Variants in EP300 observed in about 807,000 individuals in gnomAD.
The protein encoded by EP300 is histone acetyltransferase p300.
Under a neutral mutation model 264.0 loss-of-function variants are expected in EP300, and 31 were observed. The ratio of observed to expected loss-of-function variants is 0.12; its 90% confidence interval spans 0.09 to 0.16. The LOEUF (loss-of-function observed/expected upper bound fraction) is 0.16, where lower values mean the gene tolerates loss of function less well. Among genes scored for constraint, EP300 ranks in the 10% least tolerant of loss-of-function variants. The probability of loss-of-function intolerance (pLI) is 1.00; values close to 1 mark genes in which losing one functional copy is unlikely to be tolerated. For missense variants in EP300, 2,766 were observed against 3,052.9 expected, an observed-to-expected ratio of 0.91 and a Z score of 2.21; for synonymous variants, 1,340 against 1,045.4, an observed-to-expected ratio of 1.28 and a Z score of -5.44.
In EP300 at chr22:41,170,430, A is replaced by C. The variant is rs150941761; in HGVS notation, c.4311A>C (p.Ala1437=). The change falls in exon 27 of 31, where the codon GCA becomes GCC. Residue 1437 remains alanine, a synonymous_variant. Coordinates refer to ENST00000263253, the MANE Select transcript of EP300 (RefSeq NM_001429.4). ...GTTACACAACAGGGCATATTTGGGC[A>C]TGTCCACCAAGTGAGGGAGATGATT... The part of the protein sequence containing the change: ...KLGYTTGHIW[A]CPPSEGDDYI... The C allele has an allele frequency of 1.7e-3, 2,797 of 1,613,844 alleles. 17 individuals are homozygous for C. The East Asian group carries it at 0.021, about 12-fold the overall frequency.
chr22:41,170,602 C>T (rs1185547512), intron 27 of EP300, 31 bp downstream of exon 27: 13 of 1,507,822 alleles, frequency 8.6e-6, no homozygotes, highest in Non-Finnish European at 1.2e-5. Context: ...CAGGTGCTGA[C>T]AATAGATCTG....
intron 6 of EP300, among the ~76,000 whole-genome samples, chr22:41,135,261 T>C (rs1318762611): frequency 6.6e-6 from 1 of 152,202 alleles, no homozygotes; most frequent in Non-Finnish European, 1.5e-5. Flanking sequence ...TTTAGTAGGT[T>C]GTTGTCTTCC....
At position 41,158,512 on chromosome 22, in the gene EP300, C is replaced by G. The variant is rs2145749849; in HGVS notation, c.3590+12C>G. The G allele has an allele frequency of 6.2e-7, 1 of 1,611,602 alleles. No individual in the cohort carries two copies. The highest frequency in any genetic ancestry group is 2.2e-5 in the East Asian group (1 of 44,860). The stretch of plus-strand genomic sequence containing the variant: ...AGTTACCAGAACAGGTAAGCTTGGC[C>G]AGGTGTGGACCATGGTCCATGTGTC... On this transcript the variant is annotated intron_variant, in intron 19 of 30. Transcript: ENST00000263253.
At chr22:41,167,584 G>GTGTA (rs869093144) in intron 23 of EP300, among the ~76,000 whole-genome samples, 33 of 34,416 alleles carry the variant, frequency 9.6e-4, no homozygotes, top group South Asian at 2.4e-3. Flanking sequence ...GTGTGTGTGT[G>GTGTA]TATATATATA....
chr22:41,177,232 G>T lies in EP300; in HGVS notation c.5521G>T (p.Val1841Phe). 6.2e-7 allele frequency: 1 copy of T among 1,614,082 alleles called. No individual in the cohort carries two copies. The highest frequency in any genetic ancestry group is 8.5e-7 in the Non-Finnish European group (1 of 1,180,014). The change falls in exon 31 of 31, where the codon GTT becomes TTT. Residue 1841 changes from valine (V) to phenylalanine (F), a missense_variant. Coordinates refer to ENST00000263253, the MANE Select transcript of EP300 (RefSeq NM_001429.4). ...GGCCAGCATGCAGCGGACTGGTGTG[G>T]TTGGGCAGCAACAGGGCCTCCCTTC... ...RMASMQRTGVVGQQQGLPSPT... is the reference protein window; with the variant it reads ...RMASMQRTGVFGQQQGLPSPT...
chr22:41,099,136 C>T (rs544936853), intron 1 of EP300, among the ~76,000 whole-genome samples: 4 of 152,120 alleles, frequency 2.6e-5, no homozygotes, highest in South Asian at 2.1e-4. Context: ...GTGATCTCGG[C>T]CTATGACAAC....
chr22:41,117,776 C>T lies in EP300; in HGVS notation c.684C>T (p.Pro228=). The change falls in exon 2 of 31, where the codon CCC becomes CCT. Residue 228 remains proline, a synonymous_variant. Coordinates refer to ENST00000263253, the MANE Select transcript of EP300 (RefSeq NM_001429.4). The part of the protein sequence containing the change: ...LLTEPLQQGS[P]QMGGQTGLRG... ...CTGAGCCTCTTCAGCAGGGCTCTCC[C>T]CAGATGGGAGGACAAACAGGATTGA... The T allele has an allele frequency of 6.2e-7, 1 of 1,614,202 alleles. No individual in the cohort carries two copies. Among genetic ancestry groups the T allele is most frequent in the South Asian group, 1.1e-5 (1 of 91,084 alleles).
At chr22:41,146,882 T>A (rs2059013963) in intron 11 of EP300, 66 bp downstream of exon 11, 2 of 1,358,584 alleles carry the variant, frequency 1.5e-6, no homozygotes. Context: ...TAATACTTGC[T>A]ACCTGAACAC....
At chr22:41,169,047 C>T (rs9619950) in intron 25 of EP300, 180 bp downstream of exon 25, 33,928 of 773,588 alleles carry the variant, frequency 0.044, 938 homozygotes, top group Non-Finnish European at 0.053. Context: ...ACAAAATAAC[C>T]GCTCAATACT....
At chr22:41,164,265 C>T (rs574899425) in intron 22 of EP300, 135 bp downstream of exon 22, 39 of 841,402 alleles carry the variant, frequency 4.6e-5, no homozygotes, top group Middle Eastern at 2.5e-4. Flanking sequence ...GGTTTGGCCA[C>T]GATAATTATA....
chr22:41,131,740 T>G (rs2058920988), intron 6 of EP300, 107 bp downstream of exon 6: 4 of 1,543,700 alleles, frequency 2.6e-6, no homozygotes, highest in Non-Finnish European at 3.6e-6. Context: ...CATGATTTTT[T>G]AAGTAATTTT....
At chr22:41,128,223 G>A (rs962156035) in intron 4 of EP300, among the ~76,000 whole-genome samples, 4 of 152,148 alleles carry the variant, frequency 2.6e-5, no homozygotes, top group African/African-American at 9.7e-5. Context: ...GGGAGACTGA[G>A]GTGGGCAGAT....
intron 2 of EP300, 120 bp from the exon 3 acceptor site, chr22:41,125,744 A>G (rs2058878249): frequency 2.7e-6 from 3 of 1,105,650 alleles, no homozygotes; most frequent in Non-Finnish European, 3.9e-6. Flanking sequence ...GTCTTTTCTA[A>G]TAGAAGCTGA....
chr22:41,122,619 AC>A (rs1467601355), intron 2 of EP300, among the ~76,000 whole-genome samples: 2 of 150,348 alleles, frequency 1.3e-5, no homozygotes, highest in African/African-American at 4.9e-5. Flanking sequence ...ATGTTCTTTA[AC>A]TTTTTTTTTT....
At position 41,177,474 on chromosome 22, in the gene EP300, C is replaced by A. The variant is rs765920329; in HGVS notation, c.5763C>A (p.Pro1921=). The change falls in exon 31 of 31, where the codon CCC becomes CCA. Residue 1921 remains proline, a synonymous_variant. Transcript: ENST00000263253. ...CTGCTCAGCCACCCCTTCCAGGGCC[C>A]CCACCTGCAGCAGTGGAAATGGCAA... is the stretch of plus-strand genomic sequence containing the variant. ...PQTAQPPLPG[P]PPAAVEMAMQ... 1 of 1,614,168 alleles carries A rather than the reference C, an allele frequency of 6.2e-7. No homozygotes were observed. The highest frequency in any genetic ancestry group is 8.5e-7 in the Non-Finnish European group (1 of 1,180,040).
rs574655849 is a variant in EP300, at chr22:41,156,741, C to T, written c.3262-428C>T. Among the ~76,000 whole-genome samples the T allele has an allele frequency of 5.9e-5, 9 of 152,068 alleles. No homozygotes were observed. The South Asian group carries it at 1.0e-3, about 17-fold the overall frequency. On this transcript the variant is annotated intron_variant, in intron 17 of 30. Coordinates refer to ENST00000263253, the MANE Select transcript of EP300 (RefSeq NM_001429.4). ...GAGACTCCATCTCAAAGGTCAAGTG[C>T]TTCCAGGGGCAAAAGCCTTTTAGGA...
chr22:41,174,799 G>C (rs151311287), intron 29 of EP300: 2 of 152,130 alleles, frequency 1.3e-5, no homozygotes, highest in Non-Finnish European at 2.9e-5. Flanking sequence ...TTGTAATTCC[G>C]TACCTAAAAA....
intron 12 of EP300, among the ~76,000 whole-genome samples, chr22:41,148,208 C>G (rs1353784350): frequency 1.3e-5 from 2 of 152,168 alleles, no homozygotes; most frequent in Admixed American, 1.3e-4. Context: ...CTTCCCTCCT[C>G]CAGGCAGAGA....
chr22:41,151,641 A>T (rs1829495062), intron 14 of EP300, among the ~76,000 whole-genome samples, 192 bp from the exon 15 acceptor site: 1 of 152,212 alleles, frequency 6.6e-6, no homozygotes, highest in Non-Finnish European at 1.5e-5. Flanking sequence ...AGTATTTACA[A>T]GTCTTAATTC....
Sources: allele counts gnomAD v4.1 joint callset (sites outside exome capture counted in the v4.1 genomes callset), GRCh38; gene constraint gnomAD v4.1.1; transcripts MANE v1.5; gene names NCBI Gene and HGNC (gene_info 2026-07-23, HGNC 2026-07-21).